The following ZBTB3 variants were observed in gnomAD, a reference collection of about 807,000 sequenced individuals.
ZBTB3 encodes the protein zinc finger and BTB domain-containing protein 3.
In ZBTB3, 15 loss-of-function variants were observed where a neutral mutation model predicts 30.6. The ratio of observed to expected loss-of-function variants is 0.49; its 90% CI spans 0.33 to 0.75. The LOEUF is 0.75. Ranked by LOEUF, ZBTB3 falls within the 30% of genes least tolerant of loss-of-function variation. The pLI is 0.02. For synonymous variants in ZBTB3, 258 were observed against 261.7 expected, an observed-to-expected ratio of 0.99 and a Z score of 0.14; for missense variants, 599 against 652.1, an observed-to-expected ratio of 0.92 and a Z score of 0.89.
In ZBTB3 at chr11:62,753,447, GC is replaced by G. The variant is rs1332445822; in HGVS notation, c.217del (p.Ala73ProfsTer16). The G allele has an allele frequency of 6.2e-7, 1 of 1,614,240 alleles. No individual in the cohort carries two copies. On this transcript the variant is annotated frameshift_variant, in exon 2 of 2. Transcript: ENST00000394807. LOFTEE classifies it high-confidence loss of function. ...GTCCAGAAGCAGCCCAAAGGCTGGG[GC>G]TGTGACAATTTCATTGTGAATACAC... ...LVCIHNEIVT[A>X]PAFGLLLDFM...
Position 62,753,287 on chromosome 11 carries a change from C to T in ZBTB3, c.378G>A (p.Glu126=). The T allele has an allele frequency of 1.9e-6, 3 of 1,614,140 alleles. No individual in the cohort carries two copies. The highest frequency in any genetic ancestry group is 1.3e-5 in the African/African-American group (1 of 75,046). The change falls in exon 2 of 2, where the codon GAG becomes GAA. Residue 126 remains glutamate (E), a synonymous_variant. Coordinates refer to ENST00000394807, the MANE Select transcript of ZBTB3 (RefSeq NM_001370809.1). ...CCTCCTCCTTCTTGGTACTGTCTGC[C>T]TCTGCCAGGGCCCGGGCTTGAAGCC... is the stretch of plus-strand genomic sequence containing the variant. ...KRRLQARALA[E]ADSTKKEEET... is the part of the protein sequence containing the mutation.
At position 62,752,207 on chromosome 11, in the gene ZBTB3, T is replaced by G; in HGVS notation, c.1458A>C (p.Glu486Asp). ...GCTGCACCCCTAGAAGGGGTCCCAC[T>G]TCTGGATCTGGTTTGCTGCGTTTGG... ...DLAKRSKPDP[E>D]VGPLLGVQPL... Residue 486 changes from glutamate to aspartate, a missense_variant, in exon 2 of 2, where the codon GAA becomes GAC. Transcript: ENST00000394807. 6.2e-7 allele frequency: 1 copy of G among 1,614,212 alleles called. No homozygotes were observed.
Position 62,752,866 on chromosome 11 carries a change from G to A in ZBTB3, c.799C>T (p.Pro267Ser). The A allele has an allele frequency of 6.2e-7, 1 of 1,614,136 alleles. No individual in the cohort carries two copies. Among genetic ancestry groups the A allele is most frequent in the Non-Finnish European group, 8.5e-7 (1 of 1,180,044 alleles). The stretch of plus-strand genomic sequence containing the variant: ...GCTGGGGGATAGAAGCCTTGCAGTG[G>A]TCCTCCAGGATCCTTTGGTTCCACC... Reference protein sequence around the residue: ...RVVEPKDPGGPLQGFYPPASA... With the variant: ...RVVEPKDPGGSLQGFYPPASA... Residue 267 changes from proline to serine, a missense_variant, in exon 2 of 2, where the codon CCA (proline) becomes TCA (serine). Pro to Ser is a moderately conservative substitution (Grantham distance 74). Transcript: ENST00000394807.
Position 62,753,533 on chromosome 11 carries a change from G to T in ZBTB3, c.132C>A (p.Ser44=), listed in dbSNP as rs777917203. 10 of 1,614,242 alleles carry T rather than the reference G, an allele frequency of 6.2e-6. No individual in the cohort carries two copies. The South Asian group carries it at 1.1e-4, about 18-fold the overall frequency. Residue 44 remains serine (S), a synonymous_variant, in exon 2 of 2, where the codon TCC becomes TCA. Coordinates refer to ENST00000394807, the MANE Select transcript of ZBTB3 (RefSeq NM_001370809.1). ...QFLAHRAVLA[S]CSPFFQLFYK... Reference sequence around the variant, plus strand: ...AGAAAAGCTGGAAGAATGGGCTGCAGGAGGCCAGCACAGCCCGATGGGCCA... The same window carrying T: ...AGAAAAGCTGGAAGAATGGGCTGCATGAGGCCAGCACAGCCCGATGGGCCA...
In ZBTB3 at chr11:62,754,036, G is replaced by A. The variant is rs1229791948; in HGVS notation, c.-124C>T. 1.9e-6 allele frequency: 3 copies of A among 1,613,892 alleles called. No homozygotes were observed. Among genetic ancestry groups the A allele is most frequent in the South Asian group, 2.2e-5 (2 of 91,086 alleles). Reference sequence around the variant, plus strand: ...AGGCCTTGCCAGGCGATGCCTCTACGCCCCACTTCGAGAACTCCCTAAGCA... The same window carrying A: ...AGGCCTTGCCAGGCGATGCCTCTACACCCCACTTCGAGAACTCCCTAAGCA... On this transcript the variant is annotated 5_prime_UTR_variant, in exon 1 of 2. Transcript: ENST00000394807.
Position 62,753,225 on chromosome 11 carries a change from G to C in ZBTB3, c.440C>G (p.Ser147Cys), listed in dbSNP as rs1275470203. 6.2e-7 allele frequency: 1 copy of C among 1,614,042 alleles called. No homozygotes were observed. The highest frequency in any genetic ancestry group is 1.3e-5 in the African/African-American group (1 of 74,930). Residue 147 changes from serine (S) to cysteine (C), a missense_variant, in exon 2 of 2, where the codon TCT becomes TGT. Ser to Cys is a moderately radical substitution (Grantham distance 112). Coordinates refer to ENST00000394807, the MANE Select transcript of ZBTB3 (RefSeq NM_001370809.1). ...NSQLPSLEFLSSTSRGTQPSL... is the reference protein window; with the variant it reads ...NSQLPSLEFLCSTSRGTQPSL... The stretch of plus-strand genomic sequence containing the variant: ...AGGTTGGGTGCCACGGGAAGTACTA[G>C]ACAAAAACTCCAAACTAGGAAGCTG...
Position 62,754,083 on chromosome 11 carries a change from G to A in ZBTB3, c.-171C>T, listed in dbSNP as rs772850220. 2 of 1,611,516 alleles carry A rather than the reference G, an allele frequency of 1.2e-6. No individual in the cohort carries two copies. Among genetic ancestry groups the A allele is most frequent in the Non-Finnish European group, 1.7e-6 (2 of 1,177,698 alleles). ...AGCATCTCCCTCACGCATTCCAGGG[G>A]CTAAGGACTACCAGGGTGGGAACTA... On this transcript the variant is annotated 5_prime_UTR_variant, in exon 1 of 2. Transcript: ENST00000394807.
Position 62,753,035 on chromosome 11 carries a change from A to C in ZBTB3, c.630T>G (p.Pro210=), listed in dbSNP as rs879236812. ...MEVDAPHLRA[P]HPPVADVSLA... Reference sequence around the variant, plus strand: ...GAGAGACATCAGCCACTGGTGGATGAGGTGCCCGCAGATGTGGTGCGTCAA... The same window carrying C: ...GAGAGACATCAGCCACTGGTGGATGCGGTGCCCGCAGATGTGGTGCGTCAA... Residue 210 remains proline, a synonymous_variant, in exon 2 of 2, where the codon CCT becomes CCG. Transcript: ENST00000394807. 1 of 1,614,122 alleles carries C rather than the reference A, an allele frequency of 6.2e-7. No individual in the cohort carries two copies.
chr11:62,752,694 T>C lies in ZBTB3; in HGVS notation c.971A>G (p.Gln324Arg), dbSNP rs1396542061. 3 of 1,614,170 alleles carry C rather than the reference T, an allele frequency of 1.9e-6. No homozygotes were observed. Among genetic ancestry groups the C allele is most frequent in the Admixed American group, 1.7e-5 (1 of 60,018 alleles). Residue 324 changes from glutamine (Q) to arginine (R), a missense_variant, in exon 2 of 2, where the codon CAG (glutamine) becomes CGG (arginine). Coordinates refer to ENST00000394807, the MANE Select transcript of ZBTB3 (RefSeq NM_001370809.1). Reference sequence around the variant, plus strand: ...AGATGGGAAAGCTCTCTCAGGACCCTGAGGCTGTTCATCTGACACATCAGT... The same window carrying C: ...AGATGGGAAAGCTCTCTCAGGACCCCGAGGCTGTTCATCTGACACATCAGT... ...EETDVSDEQP[Q>R]GPERAFPSGG...
chr11:62,752,135 T>G lies in ZBTB3; in HGVS notation c.1530A>C (p.Gly510=), dbSNP rs776811634. 1.2e-6 allele frequency: 2 copies of G among 1,613,646 alleles called. No individual in the cohort carries two copies. The highest frequency in any genetic ancestry group is 1.7e-5 in the Admixed American group (1 of 59,968). The change falls in exon 2 of 2, where the codon GGA becomes GGC. Residue 510 remains glycine, a synonymous_variant. Transcript: ENST00000394807. ...PTADRQSSSG[G]GPPKDFVLAP... is the part of the protein sequence containing the mutation. ...CCAATACAAAATCTTTAGGTGGCCCTCCACCACTGCTGCTCTGTCTGTCTG... is the reference window on the plus strand; with the variant it reads ...CCAATACAAAATCTTTAGGTGGCCCGCCACCACTGCTGCTCTGTCTGTCTG...
chr11:62,752,200 G>T lies in ZBTB3; in HGVS notation c.1465C>A (p.Pro489Thr). ...KRSKPDPEVG[P>T]LLGVQPLPGS... ...GGGAGAGGCTGCACCCCTAGAAGGG[G>T]TCCCACTTCTGGATCTGGTTTGCTG... The change falls in exon 2 of 2, where the codon CCC becomes ACC. Residue 489 changes from proline to threonine, a missense_variant. Physicochemically the swap from Pro to Thr is conservative, Grantham distance 38. Coordinates refer to ENST00000394807, the MANE Select transcript of ZBTB3 (RefSeq NM_001370809.1). 6.2e-7 allele frequency: 1 copy of T among 1,614,194 alleles called. No individual in the cohort carries two copies.
rs141773652 is a variant in ZBTB3, at chr11:62,753,125, A to G, written c.540T>C (p.Thr180=). ...EWKGSAAPSP[T]VRPPDEPPMS... ...TTGGTGGCTCATCTGGAGGACGGACAGTAGGTGAGGGAGCAGCAGAGCCTT... is the reference window on the plus strand; with the variant it reads ...TTGGTGGCTCATCTGGAGGACGGACGGTAGGTGAGGGAGCAGCAGAGCCTT... The change falls in exon 2 of 2, where the codon ACT becomes ACC. Residue 180 remains threonine, a synonymous_variant. Coordinates refer to ENST00000394807, the MANE Select transcript of ZBTB3 (RefSeq NM_001370809.1). 1.4e-4 allele frequency: 227 copies of G among 1,614,198 alleles called. No individual in the cohort carries two copies. Among genetic ancestry groups the G allele is most frequent in the Admixed American group, 2.8e-4 (17 of 60,014 alleles).
rs1254988410 is a variant in ZBTB3, at chr11:62,752,546, G to A, written c.1119C>T (p.Tyr373=). The part of the protein sequence containing the change: ...HFLPTDPHLP[Y]HLLPGAGQYH... ...ACTGCCCTGCACCTGGCAGCAGATG[G>A]TAGGGTAGATGAGGGTCTGTTGGCA... The change falls in exon 2 of 2, where the codon TAC becomes TAT. Residue 373 remains tyrosine (Y), a synonymous_variant. Transcript: ENST00000394807. 1.9e-6 allele frequency: 3 copies of A among 1,614,082 alleles called. No individual in the cohort carries two copies. Among genetic ancestry groups the A allele is most frequent in the African/African-American group, 2.7e-5 (2 of 74,938 alleles).
At position 62,753,344 on chromosome 11, in the gene ZBTB3, G is replaced by T. The variant is rs200118786; in HGVS notation, c.321C>A (p.His107Gln). 1 of 1,614,040 alleles carries T rather than the reference G, an allele frequency of 6.2e-7. No homozygotes were observed. Among genetic ancestry groups the T allele is most frequent in the African/African-American group, 1.3e-5 (1 of 75,042 alleles). ...TACACACCTTGACGATGTCATTCAT[G>T]TGCAAGTAGCTGGCAGCTGCCAGCA... ...EDVLAAASYL[H>Q]MNDIVKVCKR... Residue 107 changes from histidine (H) to glutamine (Q), a missense_variant, in exon 2 of 2, where the codon CAC (histidine) becomes CAA (glutamine). His to Gln is a conservative substitution (Grantham distance 24). Coordinates refer to ENST00000394807, the MANE Select transcript of ZBTB3 (RefSeq NM_001370809.1).
In ZBTB3 at chr11:62,752,238, T is replaced by C. The variant is rs2084019296; in HGVS notation, c.1427A>G (p.Asp476Gly). The change falls in exon 2 of 2, where the codon GAC becomes GGC. Residue 476 changes from aspartate to glycine, a missense_variant. Asp to Gly is a moderately conservative substitution (Grantham distance 94, BLOSUM62 -1). Coordinates refer to ENST00000394807, the MANE Select transcript of ZBTB3 (RefSeq NM_001370809.1). ...ATCTGGTTTGCTGCGTTTGGCCAGG[T>C]CCTCATTGTGAGCCTTGCGGATGTG... The part of the protein sequence containing the change: ...YRHIRKAHNE[D>G]LAKRSKPDPE... The C allele has an allele frequency of 9.3e-6, 15 of 1,614,182 alleles. No individual in the cohort carries two copies. The highest frequency in any genetic ancestry group is 1.2e-5 in the Non-Finnish European group (14 of 1,180,026).
chr11:62,751,998 CTT>C lies in ZBTB3; in HGVS notation c.*90_*91del. 7.8e-7 allele frequency: 1 copy of C among 1,281,898 alleles called. No individual in the cohort carries two copies. The highest frequency in any genetic ancestry group is 1.1e-6 in the Non-Finnish European group (1 of 937,212). The allele number at this position is 1,281,898 out of a possible 1,614,324, so 79.4% of individuals were successfully genotyped here. A position where few individuals can be genotyped will look rare whatever the true frequency, so the allele number is the denominator to read the frequency against. On this transcript the variant is annotated 3_prime_UTR_variant, in exon 2 of 2. Transcript: ENST00000394807. The stretch of plus-strand genomic sequence containing the variant: ...TTTCAGCCTGGGCAGAGCCTTTATT[CTT>C]GTCACCCAGCAGGGGTGATAAGGTG...
At chr11:62,753,772 C>T (rs996098604) in intron 1 of ZBTB3, 57 bp from the exon 2 acceptor site, 4 of 1,549,130 alleles carry the variant, frequency 2.6e-6, no homozygotes, top group African/African-American at 2.7e-5. Flanking sequence ...CCTTATCAGC[C>T]CTTAACTATC....
At position 62,753,091 on chromosome 11, in the gene ZBTB3, C is replaced by T. The variant is rs1057028474; in HGVS notation, c.574G>A (p.Gly192Arg). The T allele has an allele frequency of 6.2e-7, 1 of 1,614,074 alleles. No individual in the cohort carries two copies. Among genetic ancestry groups the T allele is most frequent in the African/African-American group, 1.3e-5 (1 of 74,926 alleles). Reference protein sequence around the residue: ...RPPDEPPMSSGADTTQPGMEV... With the variant: ...RPPDEPPMSSRADTTQPGMEV... ...ATGCCAGGCTGTGTAGTGTCAGCCC[C>T]ACTAGACATTGGTGGCTCATCTGGA... The change falls in exon 2 of 2, where the codon GGG becomes AGG. Residue 192 changes from glycine to arginine, a missense_variant. By Grantham distance (125) the Gly-to-Arg change is moderately radical. Coordinates refer to ENST00000394807, the MANE Select transcript of ZBTB3 (RefSeq NM_001370809.1).
chr11:62,753,413 A>G lies in ZBTB3; in HGVS notation c.252T>C (p.Tyr84=). The G allele has an allele frequency of 6.2e-7, 1 of 1,614,186 alleles. No individual in the cohort carries two copies. Among genetic ancestry groups the G allele is most frequent in the Non-Finnish European group, 8.5e-7 (1 of 1,180,026 alleles). Reference sequence around the variant, plus strand: ...CCCCTCTCAGGGTCAGCTGGCCAGCATACATAAAGTCCAGAAGCAGCCCAA... The same window carrying G: ...CCCCTCTCAGGGTCAGCTGGCCAGCGTACATAAAGTCCAGAAGCAGCCCAA... ...PAFGLLLDFM[Y]AGQLTLRGDT... The change falls in exon 2 of 2, where the codon TAT becomes TAC. Residue 84 remains tyrosine, a synonymous_variant. Transcript: ENST00000394807.
Sources: gnomAD v4.1 joint callset for allele counts on GRCh38, gnomAD v4.1.1 for gene constraint, MANE v1.5 for transcripts, NCBI Gene and HGNC (gene_info 2026-07-23, HGNC 2026-07-21) for gene names.